The following NALF1 variants were observed in gnomAD, a reference collection of about 807,000 sequenced individuals.
NALF1 encodes NALCN channel auxiliary factor 1.
NALF1 carries 3 observed loss-of-function variants against 48.4 expected under a neutral mutation model. The observed-to-expected ratio is 0.06, with a 90% CI of 0.03 to 0.16. The LOEUF is 0.16. NALF1 is among the 10% of genes least tolerant of loss of function. The pLI is 1.00. For synonymous variants in NALF1, 262 were observed against 245.7 expected, an observed-to-expected ratio of 1.07 and a Z score of -0.62; for missense variants, 526 against 571.5, an observed-to-expected ratio of 0.92 and a Z score of 0.81.
intron 1 of NALF1, among the ~76,000 whole-genome samples, chr13:107,777,023 T>G: frequency 6.6e-6 from 1 of 151,888 alleles, no homozygotes; most frequent in African/African-American, 2.4e-5. Context: ...GCCCAGGAGG[T>G]TGAAGCTTCA....
intron 1 of NALF1, among the ~76,000 whole-genome samples, chr13:107,783,058 G>A (rs1877956705): frequency 6.9e-6 from 1 of 144,604 alleles, no homozygotes; most frequent in African/African-American, 2.6e-5. Flanking sequence ...CGACCGGGAG[G>A]GAGGTGGGGG....
intron 1 of NALF1, among the ~76,000 whole-genome samples, chr13:107,536,470 A>G (rs533223407): frequency 1.3e-5 from 2 of 152,350 alleles, no homozygotes; most frequent in South Asian, 4.1e-4. Context: ...CAAAAGACAC[A>G]TGAAAAAATG....
intron 1 of NALF1, among the ~76,000 whole-genome samples, chr13:107,481,507 A>C (rs1347935488): frequency 6.6e-6 from 1 of 152,180 alleles, no homozygotes; most frequent in African/African-American, 2.4e-5. Flanking sequence ...TACTCTCCAA[A>C]GCATGTAAAC....
At chr13:107,463,183 T>C (rs1884947840) in intron 1 of NALF1, among the ~76,000 whole-genome samples, 1 of 152,260 alleles carries the variant, frequency 6.6e-6, no homozygotes, top group African/African-American at 2.4e-5. Flanking sequence ...TTTTATTTAA[T>C]ATTCCTAAAT....
intron 1 of NALF1, among the ~76,000 whole-genome samples, chr13:107,485,837 C>T (rs1297175784): frequency 3.3e-5 from 5 of 152,128 alleles, no homozygotes; most frequent in Non-Finnish European, 7.3e-5. Flanking sequence ...TCTCAGTTCC[C>T]TCAACTCTTC....
intron 1 of NALF1, among the ~76,000 whole-genome samples, chr13:107,339,730 G>T (rs1187929596): frequency 6.6e-6 from 1 of 152,126 alleles, no homozygotes; most frequent in Non-Finnish European, 1.5e-5. Flanking sequence ...TCCCAGTAAT[G>T]ACAGGCCATT....
intron 1 of NALF1, among the ~76,000 whole-genome samples, chr13:107,253,012 T>G (rs916980435): frequency 2.0e-5 from 3 of 152,262 alleles, no homozygotes; most frequent in African/African-American, 7.2e-5. Flanking sequence ...ATTTTCTTTT[T>G]ACATTTCTAT....
chr13:107,643,598 C>T (rs1035475832), intron 1 of NALF1, among the ~76,000 whole-genome samples: 1 of 149,544 alleles, frequency 6.7e-6, no homozygotes, highest in African/African-American at 2.5e-5. Context: ...TTATTTGGAT[C>T]AAAGGGAACA....
chr13:107,339,524 G>A (rs530260500), intron 1 of NALF1, among the ~76,000 whole-genome samples: 24 of 152,082 alleles, frequency 1.6e-4, no homozygotes, highest in Non-Finnish European at 2.5e-4. Flanking sequence ...CTGCTAGTTC[G>A]TAGACCACTC....
At chr13:107,344,476 AG>A (rs1331919508) in intron 1 of NALF1, among the ~76,000 whole-genome samples, 1 of 152,212 alleles carries the variant, frequency 6.6e-6, no homozygotes, top group Non-Finnish European at 1.5e-5. Context: ...TACATTAAAA[AG>A]ATTAGACACT....
chr13:107,347,396 G>T (rs943721540), intron 1 of NALF1, among the ~76,000 whole-genome samples: 4 of 152,302 alleles, frequency 2.6e-5, no homozygotes, highest in African/African-American at 9.6e-5. Flanking sequence ...AATTTCAAGA[G>T]GACAGGTCTA....
chr13:107,784,890 C>T (rs369885365), intron 1 of NALF1, among the ~76,000 whole-genome samples: 8 of 152,040 alleles, frequency 5.3e-5, no homozygotes, highest in East Asian at 1.9e-4. Flanking sequence ...TCCAGCAATC[C>T]CACTACCGGG....
intron 1 of NALF1, among the ~76,000 whole-genome samples, chr13:107,374,052 T>C (rs901711500): frequency 1.3e-5 from 2 of 152,356 alleles, no homozygotes; most frequent in African/African-American, 4.8e-5. Context: ...ATTAAAATAT[T>C]CACTTCTCTG....
intron 2 of NALF1, among the ~76,000 whole-genome samples, chr13:107,197,969 G>C (rs985148034): frequency 6.6e-6 from 1 of 152,132 alleles, no homozygotes; most frequent in Admixed American, 6.6e-5. Flanking sequence ...AAAAGTATTA[G>C]TCTATATTTC....
In NALF1 at chr13:107,661,964, A is replaced by T. The variant is rs912205357; in HGVS notation, c.915+203718T>A. The stretch of plus-strand genomic sequence containing the variant: ...TTTATTTCTATGGCTAAAATCTTTT[A>T]AAAAATTGTATGAGGATGTTATTAA... On this transcript the variant is annotated intron_variant, in intron 1 of 2. Transcript: ENST00000375915. Among the ~76,000 whole-genome samples, 11 of 152,272 alleles carry T rather than the reference A, an allele frequency of 7.2e-5. No homozygotes were observed. The East Asian group carries it at 1.5e-3, about 21-fold the overall frequency.
intron 1 of NALF1, among the ~76,000 whole-genome samples, chr13:107,586,635 A>ATTT (rs61429641): frequency 0.17 from 15,619 of 93,252 alleles, 2,948 homozygotes; most frequent in Middle Eastern, 0.32. Flanking sequence ...CCCTATGGAG[A>ATTT]TTTTTTTTTT....
intron 1 of NALF1, among the ~76,000 whole-genome samples, chr13:107,827,176 A>G (rs2138622949): frequency 6.6e-6 from 1 of 152,318 alleles, no homozygotes; most frequent in South Asian, 2.1e-4. Flanking sequence ...AACCAATCAA[A>G]TCAATATTAT....
intron 1 of NALF1, among the ~76,000 whole-genome samples, chr13:107,228,440 G>A (rs2138822286): frequency 6.6e-6 from 1 of 152,316 alleles, no homozygotes; most frequent in Admixed American, 6.5e-5. Flanking sequence ...AAGGCACCTA[G>A]AAGTTCAATG....
chr13:107,270,263 C>G lies in NALF1; in HGVS notation c.916-59508G>C, dbSNP rs187741684. Among the ~76,000 whole-genome samples, 401 of 151,874 alleles carry G rather than the reference C, an allele frequency of 2.6e-3. 2 individuals are homozygous for G. Among genetic ancestry groups the G allele is most frequent in the African/African-American group, 9.0e-3 (375 of 41,446 alleles). On this transcript the variant is annotated intron_variant, in intron 1 of 2. Transcript: ENST00000375915. ...CTTGAACTGAATTATTAATGGTTTC[C>G]AAGAACAAATCCTAAAGACCAATTT...
Sources: gnomAD v4.1 joint callset for allele counts (sites outside exome capture counted in the v4.1 genomes callset) on GRCh38, gnomAD v4.1.1 for gene constraint, MANE v1.5 for transcripts, NCBI Gene and HGNC (gene_info 2026-07-23, HGNC 2026-07-21) for gene names.